The following RNF212B variants were observed in gnomAD, a reference collection of about 807,000 sequenced individuals.
The protein encoded by RNF212B is ring finger protein 212B, also known as E3 ubiquitin-protein ligase RNF212B.
In RNF212B, 52 loss-of-function variants were observed where a neutral mutation model predicts 55.5. The observed-to-expected ratio is 0.94, with a 90% CI of 0.75 to 1.18. The LOEUF (loss-of-function observed/expected upper bound fraction) is 1.18, where lower values mean the gene tolerates loss of function less well. RNF212B is among the 50% of genes most tolerant of loss of function. The probability of loss-of-function intolerance (pLI) is 0.00; values close to 1 mark genes in which losing one functional copy is unlikely to be tolerated. For synonymous variants in RNF212B, 99 were observed against 121.4 expected, an observed-to-expected ratio of 0.82 and a Z score of 1.21; for missense variants, 289 against 350.4, an observed-to-expected ratio of 0.82 and a Z score of 1.40.
intron 7 of RNF212B, among the ~76,000 whole-genome samples, chr14:23,262,092 A>C (rs1365344608): frequency 6.6e-6 from 1 of 152,192 alleles, no homozygotes; most frequent in Non-Finnish European, 1.5e-5. Flanking sequence ...CATTCATAGA[A>C]GTTACAGTCT....
chr14:23,256,431 G>A (rs1453216571), intron 4 of RNF212B, among the ~76,000 whole-genome samples: 1 of 151,696 alleles, frequency 6.6e-6, no homozygotes, highest in Non-Finnish European at 1.5e-5. Flanking sequence ...GAGTGCAGTG[G>A]TGCAATCTTG....
chr14:23,187,199 C>A (rs1361705665), intron 1 of RNF212B, among the ~76,000 whole-genome samples: 1 of 152,164 alleles, frequency 6.6e-6, no homozygotes, highest in Non-Finnish European at 1.5e-5. Context: ...GATGAAAGGC[C>A]GTTTTCTTAC....
intron 4 of RNF212B, among the ~76,000 whole-genome samples, chr14:23,253,695 A>AT (rs1884582532): frequency 6.6e-6 from 1 of 151,998 alleles, no homozygotes; most frequent in Non-Finnish European, 1.5e-5. Flanking sequence ...ATCCTTTCTT[A>AT]TTTTTTTAGT....
At chr14:23,186,668 T>C (rs1877632133) in intron 1 of RNF212B, among the ~76,000 whole-genome samples, 1 of 152,204 alleles carries the variant, frequency 6.6e-6, no homozygotes, top group South Asian at 2.1e-4. Context: ...TTCTCTACGT[T>C]TAAATAGTGC....
chr14:23,258,704 T>G (rs1885050337), intron 5 of RNF212B, 40 bp downstream of exon 5: 2 of 919,268 alleles, frequency 2.2e-6, no homozygotes, highest in African/African-American at 3.5e-5. Context: ...TTTTTTTTTT[T>G]TTTTTTTTCT....
intron 2 of RNF212B, among the ~76,000 whole-genome samples, chr14:23,230,423 G>A (rs1369519286): frequency 6.6e-6 from 1 of 152,124 alleles, no homozygotes; most frequent in Non-Finnish European, 1.5e-5. Flanking sequence ...GGGAGGCCGA[G>A]GCGGGTGGAT....
At position 23,228,336 on chromosome 14, in the gene RNF212B, A is replaced by C. The variant is rs2140415657; in HGVS notation, c.-1-12009A>C. 1.3e-5 allele frequency among the ~76,000 whole-genome samples: 2 copies of C among 151,584 alleles called. 1 individual carries two copies. The highest frequency in any genetic ancestry group is 3.9e-4 in the East Asian group (2 of 5,082). The stretch of plus-strand genomic sequence containing the variant: ...ATGGTCAAAGCAACTCTGCAAAAGA[A>C]CAGGCTGGCCAGGCGCAGTGGATCA... On this transcript the variant is annotated intron_variant, in intron 2 of 15. Coordinates refer to the RNF212B transcript ENST00000399910.
chr14:23,243,973 G>C (rs1405998077), intron 3 of RNF212B, among the ~76,000 whole-genome samples: 3 of 151,944 alleles, frequency 2.0e-5, no homozygotes, highest in Non-Finnish European at 4.4e-5. Flanking sequence ...AGCTACTCAG[G>C]AGGCTGAGGC....
chr14:23,220,279 T>G (rs917387278), intron 2 of RNF212B, among the ~76,000 whole-genome samples: 1 of 151,926 alleles, frequency 6.6e-6, no homozygotes, highest in Non-Finnish European at 1.5e-5. Flanking sequence ...TGCCTGTAAT[T>G]TCAGCACTTT....
chr14:23,272,663 C>T, intron 14 of RNF212B, 160 bp from the exon 15 acceptor site: 1 of 637,658 alleles, frequency 1.6e-6, no homozygotes, highest in South Asian at 1.8e-5. Context: ...GTAGCAAATC[C>T]TAGTTTGGAA....
intron 1 of RNF212B, among the ~76,000 whole-genome samples, chr14:23,190,223 T>C (rs566036822): frequency 6.6e-6 from 1 of 152,268 alleles, no homozygotes; most frequent in East Asian, 1.9e-4. Flanking sequence ...TGGCTTTCAG[T>C]AGCAACTCTA....
At chr14:23,247,535 T>C (rs1884077907) in intron 4 of RNF212B, among the ~76,000 whole-genome samples, 1 of 152,182 alleles carries the variant, frequency 6.6e-6, no homozygotes, top group Admixed American at 6.6e-5. Context: ...CTTGCTGCAT[T>C]CACTAAGTAT....
At chr14:23,250,174 T>G (rs554985255) in intron 4 of RNF212B, among the ~76,000 whole-genome samples, 1 of 152,264 alleles carries the variant, frequency 6.6e-6, no homozygotes, top group East Asian at 1.9e-4. Context: ...AATGCCTGAT[T>G]TCTACACTTT....
At chr14:23,185,970 C>T (rs188456123) in intron 1 of RNF212B, among the ~76,000 whole-genome samples, 23 of 152,170 alleles carry the variant, frequency 1.5e-4, no homozygotes, top group African/African-American at 4.6e-4. Flanking sequence ...TGTGGTGGCT[C>T]ACGCCTGTAA....
intron 2 of RNF212B, among the ~76,000 whole-genome samples, chr14:23,193,942 A>C (rs1048055658): frequency 1.3e-5 from 2 of 152,088 alleles, no homozygotes; most frequent in Non-Finnish European, 2.9e-5. Flanking sequence ...CCTGGGTTCA[A>C]GCGATTCTCC....
intron 2 of RNF212B, among the ~76,000 whole-genome samples, chr14:23,231,841 T>C (rs1223858848): frequency 6.6e-6 from 1 of 152,226 alleles, no homozygotes; most frequent in Admixed American, 6.5e-5. Flanking sequence ...GGGGTTTCGC[T>C]GTGTTGGCCG....
intron 2 of RNF212B, among the ~76,000 whole-genome samples, chr14:23,206,716 TGTG>T (rs1414220482): frequency 6.6e-6 from 1 of 151,856 alleles, no homozygotes; most frequent in Admixed American, 6.6e-5. Flanking sequence ...AGAGAAAAAA[TGTG>T]GTGGTGCTAG....
In RNF212B at chr14:23,264,621, A is replaced by T; in HGVS notation, c.586-2A>T. 7.5e-7 allele frequency: 1 copy of T among 1,340,870 alleles called. No individual in the cohort carries two copies. Among genetic ancestry groups the T allele is most frequent in the Non-Finnish European group, 9.6e-7 (1 of 1,038,292 alleles). The allele number at this position is 1,340,870 out of a possible 1,614,324, so 83.1% of individuals were successfully genotyped here. A position where few individuals can be genotyped will look rare whatever the true frequency, so the allele number is the denominator to read the frequency against. On this transcript the variant is annotated splice_acceptor_variant, in intron 10 of 14. Transcript: ENST00000430154. LOFTEE classifies it high-confidence loss of function. ...AATTGATGCTTATTATTTGTCTATC[A>T]GGGAGGCAGAGGTCTGCAGGGAAGG...
intron 2 of RNF212B, among the ~76,000 whole-genome samples, chr14:23,242,081 C>CAAAAAA (rs58497672): frequency 9.0e-4 from 33 of 36,560 alleles, no homozygotes; most frequent in Admixed American, 1.3e-3. Flanking sequence ...GACTCCGTCT[C>CAAAAAA]AAAAAAAAAA....
Sources: allele counts gnomAD v4.1 joint callset (sites outside exome capture counted in the v4.1 genomes callset), GRCh38; gene constraint gnomAD v4.1.1; transcripts MANE v1.5; gene names NCBI Gene and HGNC (gene_info 2026-07-23, HGNC 2026-07-21).